Variants in RB1CC1 observed in about 807,000 individuals in gnomAD.
The protein encoded by RB1CC1 is RB1 inducible coiled-coil 1.
Under a neutral mutation model 177.5 loss-of-function variants are expected in RB1CC1, and 46 were observed. That is an observed-to-expected ratio of 0.26 (90% CI 0.20 to 0.33). RB1CC1 has a LOEUF of 0.33. RB1CC1 is among the 10% of genes least tolerant of loss of function. RB1CC1 has a pLI of 1.00. For missense variants in RB1CC1, 1,703 were observed against 1,816.3 expected, an observed-to-expected ratio of 0.94 and a Z score of 1.13; for synonymous variants, 666 against 613.6, an observed-to-expected ratio of 1.09 and a Z score of -1.26.
chr8:52,689,524 G>A (rs1403273171), intron 1 of RB1CC1, among the ~76,000 whole-genome samples: 2 of 152,016 alleles, frequency 1.3e-5, no homozygotes, highest in Non-Finnish European at 2.9e-5. Flanking sequence ...TGACTTTTAG[G>A]GCAGCAGCTA....
chr8:52,657,309 T>C lies in RB1CC1; in HGVS notation c.2520A>G (p.Thr840=), dbSNP rs1232180661. The change falls in exon 15 of 24, where the codon ACA becomes ACG. Residue 840 remains threonine (T), a synonymous_variant. Transcript: ENST00000025008. ...CAATAATGTTTCTTATTTCTACTGC[T>C]GTACATTTTAATGAATTTGAGAAGT... ...QCDFSNSLKC[T]AVEIRNIIEK... 5 of 1,611,032 alleles carry C rather than the reference T, an allele frequency of 3.1e-6. No homozygotes were observed. The highest frequency in any genetic ancestry group is 4.2e-6 in the Non-Finnish European group (5 of 1,177,246).
intron 18 of RB1CC1, among the ~76,000 whole-genome samples, chr8:52,641,111 C>T (rs558258550): frequency 3.3e-5 from 5 of 152,040 alleles, no homozygotes; most frequent in Middle Eastern, 3.4e-3. Flanking sequence ...TGGCCGGGCG[C>T]GATGACTCAC....
In RB1CC1 at chr8:52,701,138, T is replaced by G. The variant is rs542274682; in HGVS notation, c.-167+12937A>C. ...TGAAGGACCAGATCTTTTTTTTTTT[T>G]TGAGATGGAATTTTGCTCTTGTTGC... is the stretch of plus-strand genomic sequence containing the variant. On this transcript the variant is annotated intron_variant, in intron 1 of 23. Coordinates refer to ENST00000025008, the MANE Select transcript of RB1CC1 (RefSeq NM_014781.5). Among the ~76,000 whole-genome samples the G allele has an allele frequency of 8.1e-4, 123 of 152,240 alleles. 1 individual carries two copies. The highest frequency in any genetic ancestry group is 2.8e-3 in the African/African-American group (117 of 41,550).
chr8:52,661,185 A>T lies in RB1CC1; in HGVS notation c.1455T>A (p.Ile485=). 6.2e-7 allele frequency: 1 copy of T among 1,613,964 alleles called. No homozygotes were observed. Among genetic ancestry groups the T allele is most frequent in the Non-Finnish European group, 8.5e-7 (1 of 1,179,892 alleles). Residue 485 remains isoleucine, a synonymous_variant, in exon 10 of 24, where the codon ATT becomes ATA. Transcript: ENST00000025008. ...GAGGAACTGTACTAAGAGCTTCAACAATTTTGACTCTTTCTAACAGCTCTA... is the reference window on the plus strand; with the variant it reads ...GAGGAACTGTACTAAGAGCTTCAACTATTTTGACTCTTTCTAACAGCTCTA... ...LVIELLERVK[I]VEALSTVPQM... is the part of the protein sequence containing the mutation.
chr8:52,627,240 G>A (rs1042633303), intron 22 of RB1CC1, among the ~76,000 whole-genome samples: 16 of 151,068 alleles, frequency 1.1e-4, no homozygotes, highest in Non-Finnish European at 1.6e-4. Flanking sequence ...CCAGCTACTC[G>A]GGAAGCTGAG....
intron 12 of RB1CC1, among the ~76,000 whole-genome samples, chr8:52,659,648 T>TA (rs1851431574): frequency 6.6e-6 from 1 of 152,198 alleles, no homozygotes; most frequent in African/African-American, 2.4e-5. Flanking sequence ...TCTTATGTAT[T>TA]AAAAAATGCA....
intron 6 of RB1CC1, among the ~76,000 whole-genome samples, chr8:52,675,218 A>G (rs548865628): frequency 6.6e-6 from 1 of 152,280 alleles, no homozygotes; most frequent in South Asian, 2.1e-4. Flanking sequence ...AGATTTTTCC[A>G]TTTTTAAGGC....
chr8:52,690,093 T>A (rs1011851569), intron 1 of RB1CC1, among the ~76,000 whole-genome samples: 2 of 152,194 alleles, frequency 1.3e-5, no homozygotes, highest in African/African-American at 4.8e-5. Context: ...AGAAAAGTCA[T>A]GCAGATCTGA....
chr8:52,624,288 T>TA (rs1848233096), intron 23 of RB1CC1, among the ~76,000 whole-genome samples: 2 of 152,014 alleles, frequency 1.3e-5, no homozygotes. Flanking sequence ...AGAGCACTGA[T>TA]ATTGTTATAC....
At chr8:52,674,497 G>A (rs976730669) in intron 6 of RB1CC1, among the ~76,000 whole-genome samples, 3 of 152,132 alleles carry the variant, frequency 2.0e-5, no homozygotes, top group Admixed American at 6.5e-5. Flanking sequence ...GGCTGGGCGT[G>A]GTGGCTCACA....
At chr8:52,694,960 T>C (rs1239244215) in intron 1 of RB1CC1, among the ~76,000 whole-genome samples, 2 of 152,262 alleles carry the variant, frequency 1.3e-5, no homozygotes, top group African/African-American at 4.8e-5. Flanking sequence ...TAAGGATTAC[T>C]ATTAGCTTTT....
chr8:52,637,888 C>A (rs993188378), intron 18 of RB1CC1, among the ~76,000 whole-genome samples: 19 of 152,124 alleles, frequency 1.2e-4, no homozygotes, highest in African/African-American at 4.3e-4. Context: ...CCAGGCTGAT[C>A]TTGAACTCCT....
intron 20 of RB1CC1, 145 bp downstream of exon 20, chr8:52,634,776 G>T: frequency 3.2e-6 from 2 of 630,498 alleles, no homozygotes; most frequent in Non-Finnish European, 2.6e-6. Flanking sequence ...AAATCAATAG[G>T]ATTCAATGAC....
rs933198381 is a variant in RB1CC1 at position 52,623,202 on chromosome 8, TC to T, written c.*579del. The T allele has an allele frequency of 3.6e-5, 5 of 138,102 alleles. No homozygotes were observed. Among genetic ancestry groups the T allele is most frequent in the Non-Finnish European group, 1.5e-5 (1 of 65,100 alleles). 8.6% of individuals were successfully genotyped at this position (138,102 alleles called of 1,614,324 possible). ...TAAAATCAGTCAATCAAATTACAGT[TC>T]CTTTTTTTTTTTGAAACATCAAAGG... On this transcript the variant is annotated 3_prime_UTR_variant, in exon 24 of 24. Coordinates refer to ENST00000025008, the MANE Select transcript of RB1CC1 (RefSeq NM_014781.5).
chr8:52,676,809 T>C (rs1260496770), intron 5 of RB1CC1, among the ~76,000 whole-genome samples: 3 of 152,208 alleles, frequency 2.0e-5, no homozygotes, highest in Non-Finnish European at 4.4e-5. Context: ...CATAAGACGC[T>C]ACCTCTGAAA....
chr8:52,624,887 G>A (rs1848273748), intron 22 of RB1CC1, 100 bp from the exon 23 acceptor site: 1 of 841,940 alleles, frequency 1.2e-6, no homozygotes, highest in Admixed American at 3.3e-5. Flanking sequence ...AAGCTCTCAT[G>A]AGTGGAAGAA....
intron 15 of RB1CC1, among the ~76,000 whole-genome samples, chr8:52,651,812 C>T (rs1444092021): frequency 2.0e-5 from 3 of 152,154 alleles, no homozygotes; most frequent in South Asian, 2.1e-4. Flanking sequence ...GCATTAACTC[C>T]GTGAACTCGT....
At position 52,685,487 on chromosome 8, in the gene RB1CC1, C is replaced by T. The variant is rs1391377707; in HGVS notation, c.-18G>A. On this transcript the variant is annotated 5_prime_UTR_variant, in exon 3 of 24. Coordinates refer to ENST00000025008, the MANE Select transcript of RB1CC1 (RefSeq NM_014781.5). ...AACTTCATGATGATTTATCTGAATT[C>T]TGTGAGCTTATACCTCACCCTCTGA... 8.6e-6 allele frequency: 13 copies of T among 1,513,638 alleles called. No homozygotes were observed. Among genetic ancestry groups the T allele is most frequent in the Non-Finnish European group, 1.0e-5 (11 of 1,095,564 alleles). 93.8% of individuals were successfully genotyped at this position (1,513,638 alleles called of 1,614,324 possible). A position where few individuals can be genotyped will look rare whatever the true frequency, so the allele number is the denominator to read the frequency against.
intron 1 of RB1CC1, among the ~76,000 whole-genome samples, chr8:52,704,470 A>AC (rs1353559647): frequency 8.2e-6 from 1 of 121,270 alleles, no homozygotes; most frequent in African/African-American, 2.9e-5. Context: ...AAAAAAAAAA[A>AC]AAAACACAAA....
Sources: gnomAD v4.1 joint callset for allele counts (sites outside exome capture counted in the v4.1 genomes callset) on GRCh38, gnomAD v4.1.1 for gene constraint, MANE v1.5 for transcripts, NCBI Gene and HGNC (gene_info 2026-07-23, HGNC 2026-07-21) for gene names.